The following SNX29 variants were observed in gnomAD, a reference collection of about 807,000 sequenced individuals.
The protein encoded by SNX29 is sorting nexin-29.
SNX29 carries 78 observed loss-of-function variants against 102.1 expected under a neutral mutation model. The observed-to-expected ratio is 0.76, with a 90% confidence interval of 0.64 to 0.92. The LOEUF is 0.92. Among genes scored for constraint, SNX29 ranks in the 40% least tolerant of loss-of-function variants. The pLI, the probability that SNX29 is intolerant of heterozygous loss-of-function variation, is 0.00. For synonymous variants in SNX29, 580 were observed against 414.5 expected, an observed-to-expected ratio of 1.40 and a Z score of -4.85; for missense variants, 1,280 against 1,061.7, an observed-to-expected ratio of 1.21 and a Z score of -2.86.
At chr16:12,410,469 C>G (rs1028735559) in intron 18 of SNX29, among the ~76,000 whole-genome samples, 1 of 151,986 alleles carries the variant, frequency 6.6e-6, no homozygotes, top group African/African-American at 2.4e-5. Flanking sequence ...TTGTTGGAGA[C>G]AGGGTCTCGC....
chr16:12,207,375 A>C (rs1567312127), intron 14 of SNX29, among the ~76,000 whole-genome samples: 1 of 152,176 alleles, frequency 6.6e-6, no homozygotes, highest in African/African-American at 2.4e-5. Flanking sequence ...TCAAAAAATA[A>C]AATAAAATAA....
At chr16:12,426,265 C>A (rs1300420329) in intron 18 of SNX29, among the ~76,000 whole-genome samples, 2 of 152,178 alleles carry the variant, frequency 1.3e-5, no homozygotes, top group African/African-American at 4.8e-5. Context: ...GTGGCCTGTG[C>A]TCACGCTGTC....
At chr16:12,520,664 A>G (rs2090062976) in intron 19 of SNX29, among the ~76,000 whole-genome samples, 1 of 152,222 alleles carries the variant, frequency 6.6e-6, no homozygotes, top group South Asian at 2.1e-4. Context: ...GGATGAAGCA[A>G]AAGGCCATTA....
intron 18 of SNX29, chr16:12,443,157 G>A (rs1183293484): frequency 1.8e-5 from 7 of 393,358 alleles, no homozygotes. Flanking sequence ...GGCCTGCGTG[G>A]GCTTTCTCTG....
chr16:12,092,862 A>G (rs1238714217), intron 11 of SNX29, among the ~76,000 whole-genome samples: 1 of 152,178 alleles, frequency 6.6e-6, no homozygotes, highest in Non-Finnish European at 1.5e-5. Context: ...ATGTGGTGAC[A>G]TTCAGGTGAA....
chr16:12,320,380 G>GC (rs2080892358), intron 15 of SNX29, among the ~76,000 whole-genome samples: 1 of 152,020 alleles, frequency 6.6e-6, no homozygotes, highest in African/African-American at 2.4e-5. Context: ...CAATGCCTGT[G>GC]CCCAGCATGG....
chr16:12,003,060 T>A lies in SNX29; in HGVS notation c.122+17T>A. ...CGACAGCAGGTAAATATGTCACTTCTAAAACCGTTGACCATCGAGGTTGGA... is the reference window on the plus strand; with the variant it reads ...CGACAGCAGGTAAATATGTCACTTCAAAAACCGTTGACCATCGAGGTTGGA... On this transcript the variant is annotated intron_variant, in intron 3 of 20. Transcript: ENST00000566228. 6.2e-7 allele frequency: 1 copy of A among 1,613,990 alleles called. No individual in the cohort carries two copies. Among genetic ancestry groups the A allele is most frequent in the South Asian group, 1.1e-5 (1 of 91,000 alleles).
chr16:12,047,221 G>T (rs1344998262), intron 6 of SNX29, among the ~76,000 whole-genome samples: 1 of 152,214 alleles, frequency 6.6e-6, no homozygotes, highest in African/African-American at 2.4e-5. Flanking sequence ...AACATGGAGA[G>T]ACCCTGGGTT....
At position 12,073,962 on chromosome 16, in the gene SNX29, T is replaced by G. The variant is rs1437039660; in HGVS notation, c.1319+4830T>G. On this transcript the variant is annotated intron_variant, in intron 10 of 20. Transcript: ENST00000566228. ...TCTTTTGATCTTTGTTGGTTTAAAG[T>G]CTCTTTTATCAGAGACTAGGATTGC... 1.3e-5 allele frequency among the ~76,000 whole-genome samples: 2 copies of G among 152,148 alleles called. 1 individual carries two copies. The highest frequency in any genetic ancestry group is 2.9e-5 in the Non-Finnish European group (2 of 68,040).
chr16:12,014,408 A>T (rs754118446), intron 3 of SNX29, among the ~76,000 whole-genome samples: 2 of 152,006 alleles, frequency 1.3e-5, no homozygotes, highest in Non-Finnish European at 2.9e-5. Flanking sequence ...TATACCAGGG[A>T]GGACAATTAT....
intron 1 of SNX29, among the ~76,000 whole-genome samples, chr16:11,987,121 G>A (rs932772538): frequency 5.3e-5 from 8 of 152,146 alleles, no homozygotes; most frequent in African/African-American, 1.9e-4. Context: ...CTGGAGTGCA[G>A]TGGTGCAGTC....
chr16:12,263,653 C>G (rs1251047881), intron 14 of SNX29, among the ~76,000 whole-genome samples: 1 of 152,102 alleles, frequency 6.6e-6, no homozygotes, highest in Non-Finnish European at 1.5e-5. Context: ...AGAAAATAAA[C>G]TTTTTAAAGA....
intron 17 of SNX29, 26 bp downstream of exon 17, chr16:12,398,527 G>A: frequency 6.2e-7 from 1 of 1,613,826 alleles, no homozygotes; most frequent in Non-Finnish European, 8.5e-7. Flanking sequence ...GTGCTCACAA[G>A]GGGTCCTTTA....
At chr16:12,535,262 C>T (rs527893778) in intron 20 of SNX29, among the ~76,000 whole-genome samples, 1 of 152,282 alleles carries the variant, frequency 6.6e-6, no homozygotes, top group East Asian at 1.9e-4. Flanking sequence ...CTTCAGCCTC[C>T]CAAGTAGCTG....
chr16:12,156,412 C>A (rs1192789243), intron 13 of SNX29, among the ~76,000 whole-genome samples: 3 of 152,186 alleles, frequency 2.0e-5, no homozygotes, highest in Non-Finnish European at 4.4e-5. Flanking sequence ...CTCAGGTGAT[C>A]CGCCCACCTC....
chr16:12,475,423 A>C (rs2087545121), intron 18 of SNX29, among the ~76,000 whole-genome samples: 2 of 152,198 alleles, frequency 1.3e-5, no homozygotes, highest in South Asian at 2.1e-4. Context: ...GGCCAGAAAA[A>C]ATACTTGTAG....
intron 16 of SNX29, among the ~76,000 whole-genome samples, chr16:12,391,657 C>G (rs1424970265): frequency 3.3e-5 from 5 of 152,156 alleles, no homozygotes; most frequent in Admixed American, 6.6e-5. Flanking sequence ...ATCTGTCCAT[C>G]ATTTTATCTT....
intron 15 of SNX29, among the ~76,000 whole-genome samples, chr16:12,343,242 TC>T (rs994830136): frequency 4.6e-5 from 7 of 152,212 alleles, no homozygotes; most frequent in African/African-American, 1.7e-4. Flanking sequence ...GCCTGTGCTT[TC>T]CAGCACCTTG....
chr16:12,549,915 C>G (rs1354289157), intron 20 of SNX29, among the ~76,000 whole-genome samples: 2 of 152,220 alleles, frequency 1.3e-5, no homozygotes, highest in African/African-American at 2.4e-5. Flanking sequence ...GCCCACAGGC[C>G]AAATCTTACC....
Sources: gnomAD v4.1 joint callset for allele counts (sites outside exome capture counted in the v4.1 genomes callset) on GRCh38, gnomAD v4.1.1 for gene constraint, MANE v1.5 for transcripts, NCBI Gene and HGNC (gene_info 2026-07-23, HGNC 2026-07-21) for gene names.